The following LARP4 variants were observed in gnomAD, a reference collection of about 807,000 sequenced individuals.
LARP4 encodes the protein La ribonucleoprotein 4.
In LARP4, 29 loss-of-function variants were observed where a neutral mutation model predicts 92.9. The ratio of observed to expected loss-of-function variants is 0.31; its 90% CI spans 0.23 to 0.43. The LOEUF is 0.43. LARP4 is among the 20% of genes least tolerant of loss of function. The probability of loss-of-function intolerance (pLI) is 1.00; values close to 1 mark genes in which losing one functional copy is unlikely to be tolerated. For missense variants in LARP4, 732 were observed against 860.0 expected, an observed-to-expected ratio of 0.85 and a Z score of 1.86; for synonymous variants, 279 against 284.1, an observed-to-expected ratio of 0.98 and a Z score of 0.18.
Position 50,427,819 on chromosome 12 carries a change from G to A in LARP4, c.76G>A (p.Ala26Thr). ...TAATGCCAAAGTATGGCAAGAAATT[G>A]CTCCTGGAAATACTGATGCCACCCC... Reference protein sequence around the residue: ...NPNAKVWQEIAPGNTDATPVT... With the variant: ...NPNAKVWQEITPGNTDATPVT... Residue 26 changes from alanine to threonine, a missense_variant, in exon 2 of 16, where the codon GCT becomes ACT. Physicochemically the swap from Ala to Thr is moderately conservative, Grantham distance 58 (BLOSUM62 0). Transcript: ENST00000398473. 6.2e-7 allele frequency: 1 copy of A among 1,600,966 alleles called. No individual in the cohort carries two copies. The highest frequency in any genetic ancestry group is 8.5e-7 in the Non-Finnish European group (1 of 1,171,100).
intron 10 of LARP4, among the ~76,000 whole-genome samples, chr12:50,455,808 A>G (rs1954122389): frequency 6.6e-6 from 1 of 152,230 alleles, no homozygotes; most frequent in African/African-American, 2.4e-5. Flanking sequence ...ACATAAACAC[A>G]GGCTGAGGTG....
At chr12:50,418,154 C>G (rs1230877552) in intron 1 of LARP4, among the ~76,000 whole-genome samples, 1 of 152,178 alleles carries the variant, frequency 6.6e-6, no homozygotes, top group African/African-American at 2.4e-5. Context: ...AGCCACTGCG[C>G]CTGGCCCAAT....
At chr12:50,458,407 G>A (rs1954735530) in intron 10 of LARP4, among the ~76,000 whole-genome samples, 1 of 152,084 alleles carries the variant, frequency 6.6e-6, no homozygotes, top group Non-Finnish European at 1.5e-5. Context: ...TGGGATTACA[G>A]GTGTGAGCCA....
chr12:50,438,976 C>G (rs1037233424), intron 6 of LARP4, among the ~76,000 whole-genome samples: 5 of 152,206 alleles, frequency 3.3e-5, no homozygotes, highest in Non-Finnish European at 7.3e-5. Flanking sequence ...TTCAGTCTGT[C>G]ACCCAGGGTG....
chr12:50,429,441 C>T (rs1161518599), intron 3 of LARP4, among the ~76,000 whole-genome samples: 1 of 151,342 alleles, frequency 6.6e-6, no homozygotes, highest in Non-Finnish European at 1.5e-5. Context: ...GAAACACTGT[C>T]CTATACTGAA....
intron 5 of LARP4, among the ~76,000 whole-genome samples, chr12:50,436,264 T>A (rs4768976): frequency 6.6e-6 from 1 of 151,214 alleles, no homozygotes; most frequent in Admixed American, 6.6e-5. Context: ...ATATATATCC[T>A]GCTCAGCCTC....
intron 8 of LARP4, among the ~76,000 whole-genome samples, chr12:50,442,824 C>A (rs1951429400): frequency 6.6e-6 from 1 of 152,180 alleles, no homozygotes; most frequent in Non-Finnish European, 1.5e-5. Context: ...ATAACAGTGA[C>A]TTACATTTAT....
rs1957715815 is a variant in LARP4, at chr12:50,479,047, A to G, written c.*3183A>G. ...AGGTTTGCTTTGGAAAGGCTTAATG[A>G]TGGAATGTTAGCATCTTCACTAGGG... is the stretch of plus-strand genomic sequence containing the variant. On this transcript the variant is annotated 3_prime_UTR_variant, in exon 16 of 16. Transcript: ENST00000398473. 6.6e-6 allele frequency: 1 copy of G among 152,572 alleles called. No individual in the cohort carries two copies. Among genetic ancestry groups the G allele is most frequent in the East Asian group, 1.9e-4 (1 of 5,206 alleles). The allele number at this position is 152,572 out of a possible 1,614,324, so 9.5% of individuals were successfully genotyped here.
chr12:50,471,524 G>A (rs1956927200), intron 13 of LARP4, among the ~76,000 whole-genome samples: 1 of 152,114 alleles, frequency 6.6e-6, no homozygotes, highest in South Asian at 2.1e-4. Context: ...AAGTTTTAAA[G>A]TCTTTCGAGT....
At chr12:50,438,117 A>G (rs558263428) in intron 6 of LARP4, among the ~76,000 whole-genome samples, 2 of 152,336 alleles carry the variant, frequency 1.3e-5, no homozygotes, top group Non-Finnish European at 2.9e-5. Flanking sequence ...GATTGATTCA[A>G]TGGCAACTAA....
chr12:50,440,570 G>C, intron 7 of LARP4, 21 bp downstream of exon 7: 1 of 1,518,372 alleles, frequency 6.6e-7, no homozygotes, highest in Non-Finnish European at 9.1e-7. Context: ...AACATTTTCT[G>C]ATACAAGTCC....
intron 6 of LARP4, among the ~76,000 whole-genome samples, chr12:50,439,770 A>G (rs1443577468): frequency 6.6e-6 from 1 of 151,536 alleles, no homozygotes; most frequent in Non-Finnish European, 1.5e-5. Flanking sequence ...CTTAATGTTC[A>G]CTTAATTTTT....
chr12:50,432,065 T>TG (rs77163551), intron 4 of LARP4, among the ~76,000 whole-genome samples: 16,506 of 151,924 alleles, frequency 0.11, 1,763 homozygotes, highest in East Asian at 0.45. Context: ...GAACCCAGGA[T>TG]GTGGAGTATG....
At chr12:50,429,759 C>T (rs1949370219) in intron 3 of LARP4, among the ~76,000 whole-genome samples, 1 of 152,114 alleles carries the variant, frequency 6.6e-6, no homozygotes, top group African/African-American at 2.4e-5. Context: ...CTGTCTCAGC[C>T]TCCCGAGTAG....
At position 50,427,749 on chromosome 12, in the gene LARP4, T is replaced by A; in HGVS notation, c.19-13T>A. The A allele has an allele frequency of 6.8e-7, 1 of 1,475,234 alleles. No homozygotes were observed. The allele number at this position is 1,475,234 out of a possible 1,614,324, so 91.4% of individuals were successfully genotyped here. On this transcript the variant is annotated splice_polypyrimidine_tract_variant and intron_variant, in intron 1 of 15. Coordinates refer to ENST00000398473, the MANE Select transcript of LARP4 (RefSeq NM_052879.5). ...ATTTTAAAAATTTACAAATAGATCC[T>A]TCGATTATTTAGCAGGTAGCATCTA...
chr12:50,457,731 T>C (rs557186534), intron 10 of LARP4, among the ~76,000 whole-genome samples: 79 of 151,572 alleles, frequency 5.2e-4, no homozygotes, highest in African/African-American at 1.7e-3. Context: ...GGAGGATAGC[T>C]TGAGCCCAGG....
Position 50,472,823 on chromosome 12 carries a change from C to CT in LARP4, c.1546-578dup, listed in dbSNP as rs779219895. Among the ~76,000 whole-genome samples, 771 of 141,818 alleles carry CT rather than the reference C, an allele frequency of 5.4e-3. 3 individuals are homozygous for CT. The highest frequency in any genetic ancestry group is 0.01 in the African/African-American group (404 of 38,870). The allele number at this position is 141,818 out of a possible 152,430, so 93.0% of individuals were successfully genotyped here. ...CCCCTGCATCCATCCCTATGTTTAA[C>CT]TTTTTTTTTTTTTTGGGACGGAGTC... On this transcript the variant is annotated intron_variant, in intron 13 of 15. Transcript: ENST00000398473.
Position 50,401,007 on chromosome 12 carries a change from C to T in LARP4, c.-4C>T. The T allele has an allele frequency of 6.2e-7, 1 of 1,614,102 alleles. No homozygotes were observed. Among genetic ancestry groups the T allele is most frequent in the Non-Finnish European group, 8.5e-7 (1 of 1,180,010 alleles). Reference sequence around the variant, plus strand: ...GGGAACGATTGGGCTGAGCAGAGGACGACATGTTGCTTTTCGTGGAGGTGA... The same window carrying T: ...GGGAACGATTGGGCTGAGCAGAGGATGACATGTTGCTTTTCGTGGAGGTGA... On this transcript the variant is annotated 5_prime_UTR_variant, in exon 1 of 16. The change creates a new upstream start codon in the 5' untranslated region. Transcript: ENST00000398473.
At chr12:50,466,633 G>A (rs1414622807) in intron 12 of LARP4, among the ~76,000 whole-genome samples, 2 of 152,144 alleles carry the variant, frequency 1.3e-5, no homozygotes, top group African/African-American at 2.4e-5. Context: ...AGAGTTGATA[G>A]CAAATTTAGG....
Sources: allele counts gnomAD v4.1 joint callset (sites outside exome capture counted in the v4.1 genomes callset), GRCh38; gene constraint gnomAD v4.1.1; transcripts MANE v1.5; gene names NCBI Gene and HGNC (gene_info 2026-07-23, HGNC 2026-07-21).